The following ANKRD11 variants were observed in gnomAD, a reference collection of about 807,000 sequenced individuals.
The protein encoded by ANKRD11 is ankyrin repeat domain-containing protein 11.
A neutral mutation model predicts 195.7 loss-of-function variants in ANKRD11; 17 were observed. The observed-to-expected ratio is 0.09, with a 90% CI of 0.06 to 0.13. The LOEUF (loss-of-function observed/expected upper bound fraction) is 0.13. ANKRD11 is among the 10% of genes least tolerant of loss of function. The pLI is 1.00. For synonymous variants in ANKRD11, 1,953 were observed against 1,528.1 expected (o/e 1.28, Z -6.49); for missense variants, 3,735 against 3,566.1 (o/e 1.05, Z -1.21).
intron 1 of ANKRD11, among the ~76,000 whole-genome samples, chr16:89,445,036 A>C (rs568235855): frequency 6.6e-6 from 1 of 151,870 alleles, no homozygotes; most frequent in Non-Finnish European, 1.5e-5. Context: ...CCCTTGCACC[A>C]CCCACCTGGA....
chr16:89,441,091 C>T (rs1483787243), intron 1 of ANKRD11, among the ~76,000 whole-genome samples: 1 of 151,802 alleles, frequency 6.6e-6, no homozygotes, highest in African/African-American at 2.4e-5. Flanking sequence ...CAAAAATTAG[C>T]CGGGCGTGGT....
chr16:89,475,483 A>G (rs924892916), intron 1 of ANKRD11, among the ~76,000 whole-genome samples: 24 of 152,234 alleles, frequency 1.6e-4, no homozygotes, highest in Non-Finnish European at 4.4e-5. Context: ...CTCTATTAAA[A>G]TGAAATATTG....
intron 2 of ANKRD11, among the ~76,000 whole-genome samples, chr16:89,359,730 T>C (rs2039648254): frequency 6.6e-6 from 1 of 152,224 alleles, no homozygotes; most frequent in South Asian, 2.1e-4. Flanking sequence ...ACGGTCTTCA[T>C]ATCTGAGTCT....
intron 1 of ANKRD11, among the ~76,000 whole-genome samples, chr16:89,435,116 G>A (rs1327382263): frequency 6.6e-6 from 1 of 152,198 alleles, no homozygotes; most frequent in Admixed American, 6.5e-5. Flanking sequence ...TCAGCACTCT[G>A]TACAAATGCA....
chr16:89,367,155 G>C (rs372270620), intron 2 of ANKRD11, among the ~76,000 whole-genome samples: 166 of 152,314 alleles, frequency 1.1e-3, no homozygotes, highest in African/African-American at 3.5e-3. Flanking sequence ...CGGTGAGGAA[G>C]AGCAGGCACC....
intron 1 of ANKRD11, among the ~76,000 whole-genome samples, chr16:89,476,534 G>C (rs540722536): frequency 7.4e-4 from 112 of 152,312 alleles, no homozygotes; most frequent in African/African-American, 2.6e-3. Context: ...CAACGCCTAC[G>C]CTTGCTTCTA....
chr16:89,308,517 A>T (rs1468970657), intron 3 of ANKRD11, among the ~76,000 whole-genome samples: 3 of 152,218 alleles, frequency 2.0e-5, no homozygotes, highest in Admixed American at 2.0e-4. Context: ...TGAAAAGGTG[A>T]TTCTCATCAG....
At chr16:89,382,826 A>G (rs375294205) in intron 2 of ANKRD11, among the ~76,000 whole-genome samples, 1 of 152,008 alleles carries the variant, frequency 6.6e-6, no homozygotes, top group South Asian at 2.1e-4. Context: ...CCAAGAAACA[A>G]AAGTAGAGTT....
At chr16:89,394,352 G>C (rs1045317793) in intron 2 of ANKRD11, among the ~76,000 whole-genome samples, 2 of 152,232 alleles carry the variant, frequency 1.3e-5, no homozygotes, top group African/African-American at 4.8e-5. Context: ...TCGTGGGCCA[G>C]GCACAGTGGC....
intron 3 of ANKRD11, among the ~76,000 whole-genome samples, chr16:89,314,381 C>G (rs151156383): frequency 1.3e-5 from 2 of 152,176 alleles, no homozygotes; most frequent in African/African-American, 4.8e-5. Context: ...GAACAGAGCT[C>G]GCATCGACAT....
intron 2 of ANKRD11, among the ~76,000 whole-genome samples, chr16:89,415,049 A>G (rs529764388): frequency 6.6e-6 from 1 of 151,808 alleles, no homozygotes; most frequent in East Asian, 1.9e-4. Flanking sequence ...GGCTCAAGTG[A>G]TCCTTCCTCC....
chr16:89,328,453 C>T (rs753132491), intron 2 of ANKRD11, among the ~76,000 whole-genome samples: 1 of 152,246 alleles, frequency 6.6e-6, no homozygotes, highest in Non-Finnish European at 1.5e-5. Flanking sequence ...ACAGGTGTCC[C>T]AGCGGTGTCC....
chr16:89,336,729 C>G (rs1056381399), intron 2 of ANKRD11, among the ~76,000 whole-genome samples: 5 of 152,228 alleles, frequency 3.3e-5, no homozygotes, highest in Non-Finnish European at 5.9e-5. Flanking sequence ...GGAGTCCCCA[C>G]TCTCTACCTA....
rs1383324924 is a variant in ANKRD11, at chr16:89,281,917, T to C, written c.4625A>G (p.Lys1542Arg). The C allele has an allele frequency of 6.2e-7, 1 of 1,613,312 alleles. No homozygotes were observed. Among genetic ancestry groups the C allele is most frequent in the Non-Finnish European group, 8.5e-7 (1 of 1,180,026 alleles). ...EKFKDGAEKEKGDPVKMSNGN... is the reference protein window; with the variant it reads ...EKFKDGAEKERGDPVKMSNGN... ...GTTGCTCATCTTCACTGGGTCGCCC[T>C]TTTCTTTCTCTGCACCGTCCTTGAA... is the stretch of plus-strand genomic sequence containing the variant. The change falls in exon 9 of 13, where the codon AAG becomes AGG. Residue 1542 changes from lysine (K) to arginine (R), a missense_variant. Transcript: ENST00000301030. This position sits in a 1 kb window ranked among gnomAD's most constrained non-coding sequence, Gnocchi z 5.5.
At chr16:89,394,840 C>T (rs992404741) in intron 2 of ANKRD11, among the ~76,000 whole-genome samples, 4 of 152,214 alleles carry the variant, frequency 2.6e-5, no homozygotes, top group East Asian at 3.9e-4. Flanking sequence ...ATTTTTCAAA[C>T]GTCCAGACTC....
intron 3 of ANKRD11, among the ~76,000 whole-genome samples, chr16:89,305,899 T>C (rs71372802): frequency 0.84 from 3,318 of 3,946 alleles, 1,402 homozygotes; most frequent in Middle Eastern, 1. Flanking sequence ...CGCAGACACG[T>C]GCCACCCACC....
chr16:89,386,322 C>A (rs930001559), intron 2 of ANKRD11, among the ~76,000 whole-genome samples: 5 of 151,980 alleles, frequency 3.3e-5, no homozygotes, highest in African/African-American at 9.7e-5. Context: ...TGCACTAATT[C>A]TCCCTTCTGA....
At chr16:89,468,810 G>A (rs933645862) in intron 1 of ANKRD11, among the ~76,000 whole-genome samples, 3 of 152,292 alleles carry the variant, frequency 2.0e-5, no homozygotes, top group South Asian at 2.1e-4. Context: ...ATGTTGAAAC[G>A]TACAGGGCTC....
chr16:89,490,162 G>C (rs1213729505), intron 1 of ANKRD11, 83 bp downstream of exon 1: 1 of 134,112 alleles, frequency 7.5e-6, no homozygotes, highest in Non-Finnish European at 1.6e-5. Flanking sequence ...CTCCGTCGCC[G>C]GGGAAGGCCT....
Sources: gnomAD v4.1 joint callset for allele counts (sites outside exome capture counted in the v4.1 genomes callset) on GRCh38, gnomAD v4.1.1 for gene constraint, Gnocchi (gnomAD v3.1) non-coding constraint, MANE v1.5 for transcripts, NCBI Gene and HGNC (gene_info 2026-07-23, HGNC 2026-07-21) for gene names.